The following ZMYM4 variants were observed in gnomAD, a reference collection of about 807,000 sequenced individuals.
ZMYM4 encodes zinc finger MYM-type containing 4.
A neutral mutation model predicts 183.2 loss-of-function variants in ZMYM4; 31 were observed. The observed-to-expected ratio is 0.17, with a 90% CI of 0.13 to 0.23. ZMYM4 has a LOEUF of 0.23. Among genes scored for constraint, ZMYM4 ranks in the 10% least tolerant of loss-of-function variants. The pLI is 1.00. For missense variants in ZMYM4, 1,273 were observed against 1,840.3 expected, an observed-to-expected ratio of 0.69 and a Z score of 5.64; for synonymous variants, 592 against 631.2, an observed-to-expected ratio of 0.94 and a Z score of 0.93.
At position 35,381,426 on chromosome 1, in the gene ZMYM4, A is replaced by G; in HGVS notation, c.1349A>G (p.Asn450Ser). Reference protein sequence around the residue: ...ISTKCSMCQKNAVIRHEVNYQ... With the variant: ...ISTKCSMCQKSAVIRHEVNYQ... ...ACCAAATGCAGCATGTGTCAGAAGA[A>G]TGCTGTTGTAAGTTACCATTTTCCT... Residue 450 changes from asparagine to serine, a missense_variant, in exon 8 of 30, where the codon AAT becomes AGT. Asn to Ser is a conservative substitution (Grantham distance 46). Transcript: ENST00000314607. 6.2e-7 allele frequency: 1 copy of G among 1,607,568 alleles called. No homozygotes were observed. The highest frequency in any genetic ancestry group is 8.5e-7 in the Non-Finnish European group (1 of 1,175,444).
intron 1 of ZMYM4, among the ~76,000 whole-genome samples, chr1:35,302,128 G>A: frequency 6.6e-6 from 1 of 150,962 alleles, no homozygotes; most frequent in African/African-American, 2.4e-5. Flanking sequence ...GGGTCAACAA[G>A]CTGTAGCTCA....
At chr1:35,414,132 GCTTAA>G (rs772571999) in intron 27 of ZMYM4, 49 bp downstream of exon 27, 3 of 1,150,692 alleles carry the variant, frequency 2.6e-6, no homozygotes, top group Non-Finnish European at 3.8e-6. Flanking sequence ...TTCTTAAATT[GCTTAA>G]CTTTTTTGGT....
intron 18 of ZMYM4, among the ~76,000 whole-genome samples, chr1:35,396,277 C>T (rs988306590): frequency 3.9e-5 from 6 of 152,178 alleles, no homozygotes; most frequent in Admixed American, 1.3e-4. Context: ...TCTAGGTTCC[C>T]TGTTTCAATC....
chr1:35,320,466 C>G (rs1400876477), intron 1 of ZMYM4, among the ~76,000 whole-genome samples: 1 of 152,180 alleles, frequency 6.6e-6, no homozygotes, highest in Non-Finnish European at 1.5e-5. Flanking sequence ...CACCTGTATC[C>G]TTTGTAGTAT....
chr1:35,404,823 C>G (rs1218837909), intron 23 of ZMYM4, 200 bp from the exon 24 acceptor site: 3 of 466,150 alleles, frequency 6.4e-6, no homozygotes, highest in Admixed American at 3.9e-5. Context: ...TGCATTTAAA[C>G]TTTTTCTTTC....
chr1:35,405,057 G>C lies in ZMYM4; in HGVS notation c.3563G>C (p.Arg1188Thr). 1 of 1,613,914 alleles carries C rather than the reference G, an allele frequency of 6.2e-7. No individual in the cohort carries two copies. The highest frequency in any genetic ancestry group is 2.2e-5 in the East Asian group (1 of 44,872). ...AAGTCTATAGTGGCTGTGGAGCCCA[G>C]GAGTCTTATTCAAGGAGCCTTTCAA... ...RKKSIVAVEPRSLIQGAFQGC... is the reference protein window; with the variant it reads ...RKKSIVAVEPTSLIQGAFQGC... Residue 1188 changes from arginine to threonine, a missense_variant, in exon 24 of 30, where the codon AGG becomes ACG. Transcript: ENST00000314607.
intron 1 of ZMYM4, among the ~76,000 whole-genome samples, chr1:35,296,810 C>G (rs1208833757): frequency 6.7e-6 from 1 of 149,062 alleles, no homozygotes; most frequent in Non-Finnish European, 1.5e-5. Flanking sequence ...TTCCCAGTAA[C>G]TGTTCTTACC....
At chr1:35,382,805 TA>T (rs968179996) in intron 9 of ZMYM4, among the ~76,000 whole-genome samples, 5 of 151,222 alleles carry the variant, frequency 3.3e-5, no homozygotes, top group African/African-American at 4.9e-5. Context: ...TTTTGAAAGT[TA>T]AAAAAAAACA....
chr1:35,412,753 A>T (rs901452088), intron 26 of ZMYM4, among the ~76,000 whole-genome samples: 1 of 152,158 alleles, frequency 6.6e-6, no homozygotes, highest in Admixed American at 6.5e-5. Flanking sequence ...AATACTGTTG[A>T]ACAACAAACT....
chr1:35,363,339 A>C (rs1558084836), intron 5 of ZMYM4, among the ~76,000 whole-genome samples: 1 of 152,144 alleles, frequency 6.6e-6, no homozygotes, highest in African/African-American at 2.4e-5. Flanking sequence ...CAGCATTGAC[A>C]TTTTGGACCA....
At chr1:35,317,850 G>A (rs1163766600) in intron 1 of ZMYM4, among the ~76,000 whole-genome samples, 1 of 152,158 alleles carries the variant, frequency 6.6e-6, no homozygotes, top group East Asian at 1.9e-4. Context: ...AGGGGAGTGT[G>A]TAGATATGTC....
chr1:35,339,567 A>G (rs972001048), intron 2 of ZMYM4, among the ~76,000 whole-genome samples: 2 of 152,208 alleles, frequency 1.3e-5, no homozygotes, highest in African/African-American at 2.4e-5. Context: ...ATTAAAGTAT[A>G]TGGGAAGATG....
chr1:35,322,843 C>T (rs1205049542), intron 1 of ZMYM4, among the ~76,000 whole-genome samples: 1 of 151,978 alleles, frequency 6.6e-6, no homozygotes, highest in African/African-American at 2.4e-5. Context: ...GTGTGTGCCA[C>T]CATGCCCGGC....
intron 2 of ZMYM4, among the ~76,000 whole-genome samples, chr1:35,339,202 CAATAT>C (rs2148855437): frequency 6.6e-6 from 1 of 152,122 alleles, no homozygotes; most frequent in Admixed American, 6.6e-5. Context: ...CTAAACAATA[CAATAT>C]AACAACTATT....
At chr1:35,380,697 G>A (rs1644437653) in intron 7 of ZMYM4, among the ~76,000 whole-genome samples, 1 of 152,060 alleles carries the variant, frequency 6.6e-6, no homozygotes, top group Non-Finnish European at 1.5e-5. Context: ...TGGTTTGGTG[G>A]GATTAGGGTT....
intron 2 of ZMYM4, among the ~76,000 whole-genome samples, chr1:35,337,357 A>C (rs1643017796): frequency 6.6e-6 from 1 of 152,164 alleles, no homozygotes; most frequent in Non-Finnish European, 1.5e-5. Flanking sequence ...GCAAGACTCC[A>C]ACTCATATAT....
Position 35,301,638 on chromosome 1 carries a change from C to T in ZMYM4, c.40-23722C>T, listed in dbSNP as rs189412884. On this transcript the variant is annotated intron_variant, in intron 1 of 29. Coordinates refer to ENST00000314607, the MANE Select transcript of ZMYM4 (RefSeq NM_005095.3). Reference sequence around the variant, plus strand: ...TATAAACTCTAGGAATTGTTCTGCCCGCTTTTTTCTGGTGACTGTTTCACT... The same window carrying T: ...TATAAACTCTAGGAATTGTTCTGCCTGCTTTTTTCTGGTGACTGTTTCACT... Among the ~76,000 whole-genome samples the T allele has an allele frequency of 4.6e-4, 70 of 152,162 alleles. 1 individual carries two copies. Among genetic ancestry groups the T allele is most frequent in the Non-Finnish European group, 7.6e-4 (52 of 68,026 alleles).
intron 3 of ZMYM4, among the ~76,000 whole-genome samples, chr1:35,360,133 C>T (rs918840561): frequency 1.8e-4 from 28 of 152,076 alleles, no homozygotes; most frequent in African/African-American, 6.8e-4. Flanking sequence ...ATGCCTAACT[C>T]ATAAACCTCT....
At chr1:35,329,209 T>G (rs1642631630) in intron 2 of ZMYM4, among the ~76,000 whole-genome samples, 1 of 152,236 alleles carries the variant, frequency 6.6e-6, no homozygotes, top group African/African-American at 2.4e-5. Context: ...GTGAAAGGGA[T>G]TTAAAAGAAG....
Sources: gnomAD v4.1 joint callset for allele counts (sites outside exome capture counted in the v4.1 genomes callset) on GRCh38, gnomAD v4.1.1 for gene constraint, MANE v1.5 for transcripts, NCBI Gene and HGNC (gene_info 2026-07-23, HGNC 2026-07-21) for gene names.